XKR4: variants seen among roughly 807,000 people sequenced by gnomAD.
XKR4 encodes the protein XK related 4, also known as XK-related protein 4.
A neutral mutation model predicts 53.9 loss-of-function variants in XKR4; 12 were observed. The observed-to-expected ratio is 0.22, with a 90% CI of 0.14 to 0.36. XKR4 has a LOEUF of 0.36. Among genes scored for constraint, XKR4 ranks in the 10% least tolerant of loss-of-function variants. The probability of loss-of-function intolerance (pLI) is 1.00; values close to 1 mark genes in which losing one functional copy is unlikely to be tolerated. For synonymous variants in XKR4, 354 were observed against 362.4 expected (o/e 0.98, Z 0.26); for missense variants, 799 against 859.5 (o/e 0.93, Z 0.88).
At chr8:55,273,835 C>T (rs1585980389) in intron 1 of XKR4, among the ~76,000 whole-genome samples, 1 of 152,148 alleles carries the variant, frequency 6.6e-6, no homozygotes, top group Non-Finnish European at 1.5e-5. Context: ...GCCAGCTCTG[C>T]TTAAATTACT....
chr8:55,467,081 C>T (rs1307048589), intron 2 of XKR4, among the ~76,000 whole-genome samples: 1 of 152,114 alleles, frequency 6.6e-6, no homozygotes, highest in African/African-American at 2.4e-5. Flanking sequence ...GCTGCAATCT[C>T]ATCTGGGCAC....
At chr8:55,151,062 C>T (rs1171902821) in intron 1 of XKR4, among the ~76,000 whole-genome samples, 1 of 152,202 alleles carries the variant, frequency 6.6e-6, no homozygotes, top group Non-Finnish European at 1.5e-5. Context: ...AGTTGAATAA[C>T]AGCAGTGTAT....
At chr8:55,408,931 C>T (rs951534939) in intron 2 of XKR4, among the ~76,000 whole-genome samples, 2 of 148,852 alleles carry the variant, frequency 1.3e-5, no homozygotes, top group African/African-American at 5.0e-5. Context: ...CCCTTGAACC[C>T]GGGAAGCAGA....
At chr8:55,448,898 G>C (rs960935027) in intron 2 of XKR4, among the ~76,000 whole-genome samples, 1 of 152,138 alleles carries the variant, frequency 6.6e-6, no homozygotes, top group Non-Finnish European at 1.5e-5. Flanking sequence ...AAAATAAAGA[G>C]AGTGTTACTG....
At chr8:55,308,175 C>G (rs1234183136) in intron 1 of XKR4, among the ~76,000 whole-genome samples, 1 of 152,258 alleles carries the variant, frequency 6.6e-6, no homozygotes, top group South Asian at 2.1e-4. Flanking sequence ...ATTGCTTGAA[C>G]CCGGGAGGCA....
intron 2 of XKR4, among the ~76,000 whole-genome samples, chr8:55,472,808 G>GAAAC (rs1214609058): frequency 6.6e-6 from 1 of 152,036 alleles, no homozygotes; most frequent in Non-Finnish European, 1.5e-5. Context: ...GAATAATGGG[G>GAAAC]GGTGAGGAAA....
At chr8:55,119,305 G>A (rs998551441) in intron 1 of XKR4, among the ~76,000 whole-genome samples, 1 of 152,026 alleles carries the variant, frequency 6.6e-6, no homozygotes, top group Non-Finnish European at 1.5e-5. Context: ...TCTCAGACTG[G>A]GAAGTCCCTC....
intron 2 of XKR4, among the ~76,000 whole-genome samples, chr8:55,418,890 CTT>C (rs11302035): frequency 6.8e-6 from 1 of 146,042 alleles, no homozygotes. Context: ...ATTTGCCCTG[CTT>C]TTTTTTTTTT....
At chr8:55,115,389 C>T (rs1188100244) in intron 1 of XKR4, among the ~76,000 whole-genome samples, 1 of 151,960 alleles carries the variant, frequency 6.6e-6, no homozygotes. Context: ...CATACACACA[C>T]ACACACACAC....
At chr8:55,509,703 G>C (rs553032654) in intron 2 of XKR4, among the ~76,000 whole-genome samples, 1 of 152,194 alleles carries the variant, frequency 6.6e-6, no homozygotes, top group Non-Finnish European at 1.5e-5. Context: ...TGGTACTCCT[G>C]AACCTGGAAG....
At chr8:55,190,032 C>T (rs1024644774) in intron 1 of XKR4, among the ~76,000 whole-genome samples, 3 of 152,116 alleles carry the variant, frequency 2.0e-5, no homozygotes, top group Admixed American at 6.5e-5. Flanking sequence ...ACAAACCTAC[C>T]GGGAGTATAT....
At chr8:55,233,761 T>A (rs1292438985) in intron 1 of XKR4, among the ~76,000 whole-genome samples, 3 of 152,252 alleles carry the variant, frequency 2.0e-5, no homozygotes, top group Non-Finnish European at 2.9e-5. Context: ...AGCCTTTCAT[T>A]TCCTTAAACC....
At chr8:55,227,350 A>T (rs575308682) in intron 1 of XKR4, among the ~76,000 whole-genome samples, 1 of 152,356 alleles carries the variant, frequency 6.6e-6, no homozygotes, top group Non-Finnish European at 1.5e-5. Flanking sequence ...TCATTCTATA[A>T]AGAACCACTG....
intron 2 of XKR4, among the ~76,000 whole-genome samples, chr8:55,483,435 G>A (rs1306000937): frequency 6.6e-6 from 1 of 152,078 alleles, no homozygotes; most frequent in Non-Finnish European, 1.5e-5. Context: ...ATTAAATTTG[G>A]CTAGAAATAA....
intron 1 of XKR4, among the ~76,000 whole-genome samples, chr8:55,161,248 G>A (rs1044544913): frequency 2.6e-5 from 4 of 152,132 alleles, no homozygotes; most frequent in Admixed American, 6.5e-5. Flanking sequence ...CAATAAAACC[G>A]GAAGCTCTCC....
intron 1 of XKR4, among the ~76,000 whole-genome samples, chr8:55,186,538 C>T (rs1585926597): frequency 6.6e-6 from 1 of 152,062 alleles, no homozygotes; most frequent in East Asian, 1.9e-4. Context: ...CGCTTGTAGC[C>T]CCAGCTACTC....
intron 1 of XKR4, among the ~76,000 whole-genome samples, chr8:55,252,488 G>A (rs532672372): frequency 1.8e-4 from 27 of 152,280 alleles, no homozygotes; most frequent in East Asian, 3.9e-4. Flanking sequence ...GTAGCTGGCT[G>A]GGGAGGAGGG....
intron 1 of XKR4, among the ~76,000 whole-genome samples, chr8:55,284,820 A>C (rs185105288): frequency 6.6e-6 from 1 of 152,326 alleles, no homozygotes; most frequent in East Asian, 1.9e-4. Context: ...GCCAAAGAAT[A>C]TGTAGACATA....
rs537362580 is a variant in XKR4 at position 55,216,917 on chromosome 8, A to G, written c.806+113623A>G. On this transcript the variant is annotated intron_variant, in intron 1 of 2. Coordinates refer to ENST00000327381, the MANE Select transcript of XKR4 (RefSeq NM_052898.2). The stretch of plus-strand genomic sequence containing the variant: ...TGCAAATAAATAAATATTTTTGACA[A>G]AAAATACTGAAAAGAAATATGCAAA... 2.6e-5 allele frequency among the ~76,000 whole-genome samples: 4 copies of G among 152,204 alleles called. 1 individual carries two copies. Among genetic ancestry groups the G allele is most frequent in the African/African-American group, 7.2e-5 (3 of 41,542 alleles).
Sources: allele counts gnomAD v4.1 joint callset (sites outside exome capture counted in the v4.1 genomes callset), GRCh38; gene constraint gnomAD v4.1.1; transcripts MANE v1.5; gene names NCBI Gene and HGNC (gene_info 2026-07-23, HGNC 2026-07-21).